Variants in MECOM observed in about 807,000 individuals in gnomAD.
MECOM encodes MDS1 and EVI1 complex locus, also known as histone-lysine N-methyltransferase MECOM.
MECOM carries 13 observed loss-of-function variants against 116.3 expected under a neutral mutation model. The ratio of observed to expected loss-of-function variants is 0.11; its 90% CI spans 0.07 to 0.18. The LOEUF (loss-of-function observed/expected upper bound fraction) is 0.18, where lower values mean the gene tolerates loss of function less well. Among genes scored for constraint, MECOM ranks in the 10% least tolerant of loss-of-function variants. MECOM has a pLI of 1.00. For synonymous variants in MECOM, 528 were observed against 535.2 expected (o/e 0.99, Z 0.19); for missense variants, 1,299 against 1,509.0 (o/e 0.86, Z 2.31).
rs539909540 is a variant in MECOM, at chr3:169,417,875, C to T, written c.38-36351G>A. On this transcript the variant is annotated intron_variant, in intron 1 of 16. Transcript: ENST00000651503. Reference sequence around the variant, plus strand: ...CGCAAGAACAAAAAACCAAACACCACGTATTCTCACTTATAGGTGGGAATC... The same window carrying T: ...CGCAAGAACAAAAAACCAAACACCATGTATTCTCACTTATAGGTGGGAATC... Among the ~76,000 whole-genome samples the T allele has an allele frequency of 5.9e-5, 9 of 151,880 alleles. No individual in the cohort carries two copies. The East Asian group carries it at 1.8e-3, about 30-fold the overall frequency.
intron 2 of MECOM, among the ~76,000 whole-genome samples, chr3:169,359,413 A>G (rs1318589442): frequency 5.9e-5 from 9 of 151,774 alleles, no homozygotes; most frequent in Non-Finnish European, 1.3e-4. Context: ...GTAAGGAATC[A>G]AACTTCAAAT....
rs115621460 is a variant in MECOM at position 169,583,107 on chromosome 3, G to A, written c.37+80229C>T. 3.9e-3 allele frequency among the ~76,000 whole-genome samples: 597 copies of A among 152,272 alleles called. 6 individuals carry two copies. Among genetic ancestry groups the A allele is most frequent in the African/African-American group, 0.014 (567 of 41,566 alleles). ...CTTGGGAAATTGTCTTAATCTCACT[G>A]AGCCTCAGTTTCTTCAATCACAAAA... is the stretch of plus-strand genomic sequence containing the variant. On this transcript the variant is annotated intron_variant, in intron 1 of 16. Transcript: ENST00000651503.
intron 2 of MECOM, among the ~76,000 whole-genome samples, chr3:169,211,174 C>G (rs1577355572): frequency 1.3e-5 from 2 of 152,244 alleles, no homozygotes; most frequent in East Asian, 1.9e-4. Flanking sequence ...AACTTCTAAA[C>G]TATTTCCCAA....
At chr3:169,185,409 C>T (rs1271931496) in intron 2 of MECOM, among the ~76,000 whole-genome samples, 2 of 152,096 alleles carry the variant, frequency 1.3e-5, no homozygotes, top group Non-Finnish European at 2.9e-5. Context: ...GGATGAAGGG[C>T]TGAAAAACTG....
At chr3:169,138,608 A>AAAAGC (rs1422530450) in intron 3 of MECOM, among the ~76,000 whole-genome samples, 4 of 152,166 alleles carry the variant, frequency 2.6e-5, no homozygotes, top group African/African-American at 9.7e-5. Context: ...AACTTGACTT[A>AAAAGC]AAAGCAAAGC....
chr3:169,561,632 G>A (rs1277065415), intron 1 of MECOM, among the ~76,000 whole-genome samples: 3 of 152,132 alleles, frequency 2.0e-5, no homozygotes, highest in Admixed American at 6.6e-5. Flanking sequence ...CTTTGGAAAG[G>A]AAGAAAAACA....
chr3:169,237,300 A>G (rs1026156750), intron 2 of MECOM, among the ~76,000 whole-genome samples: 1 of 152,198 alleles, frequency 6.6e-6, no homozygotes, highest in Non-Finnish European at 1.5e-5. Flanking sequence ...AACATCTTCA[A>G]TGTAATACTG....
intron 2 of MECOM, among the ~76,000 whole-genome samples, chr3:169,169,032 T>C (rs1455243822): frequency 6.6e-6 from 1 of 152,096 alleles, no homozygotes; most frequent in Non-Finnish European, 1.5e-5. Flanking sequence ...AATAAAATTA[T>C]ATTTGCTCAG....
At chr3:169,542,513 G>T (rs1328701141) in intron 1 of MECOM, among the ~76,000 whole-genome samples, 16 of 152,142 alleles carry the variant, frequency 1.1e-4, no homozygotes, top group Admixed American at 1.0e-3. Flanking sequence ...TCTGCAAGTG[G>T]ATAAGAAGAG....
At position 169,128,245 on chromosome 3, in the gene MECOM, T is replaced by A. The variant is rs16853214; in HGVS notation, c.614-185A>T. Among the ~76,000 whole-genome samples, 9,572 of 152,262 alleles carry A rather than the reference T, an allele frequency of 0.063. 443 individuals carry two copies. Among genetic ancestry groups the A allele is most frequent in the South Asian group, 0.2 (982 of 4,826 alleles). ...AAGGACAGAGACTGGAACAATAACA[T>A]AAGCAATGGCTGTGACTAGAGTATA... On this transcript the variant is annotated intron_variant, in intron 4 of 16. Coordinates refer to ENST00000651503, the MANE Select transcript of MECOM (RefSeq NM_004991.4).
chr3:169,274,004 C>T (rs550841211), intron 2 of MECOM, among the ~76,000 whole-genome samples: 19 of 151,456 alleles, frequency 1.3e-4, no homozygotes, highest in South Asian at 4.2e-4. Flanking sequence ...CTCTGCCTCC[C>T]GGGTTCAAGT....
intron 12 of MECOM, among the ~76,000 whole-genome samples, chr3:169,095,826 GTTAA>G (rs1159644607): frequency 6.6e-6 from 1 of 151,770 alleles, no homozygotes; most frequent in Non-Finnish European, 1.5e-5. Context: ...CCTTTTCTCT[GTTAA>G]TCTTTAAACT....
At chr3:169,438,117 A>G (rs1742987475) in intron 1 of MECOM, among the ~76,000 whole-genome samples, 1 of 152,226 alleles carries the variant, frequency 6.6e-6, no homozygotes, top group Non-Finnish European at 1.5e-5. Context: ...AATGATTTTT[A>G]AACAGCCATA....
intron 1 of MECOM, among the ~76,000 whole-genome samples, chr3:169,616,547 C>T (rs754626156): frequency 7.9e-5 from 12 of 152,086 alleles, no homozygotes; most frequent in East Asian, 1.9e-4. Flanking sequence ...GCCATGTTGG[C>T]GAGGCTAGTT....
chr3:169,302,140 A>G (rs1244617753), intron 2 of MECOM, among the ~76,000 whole-genome samples: 1 of 152,244 alleles, frequency 6.6e-6, no homozygotes, highest in Non-Finnish European at 1.5e-5. Context: ...ACACTCCAGC[A>G]ATAGCTGAAC....
intron 2 of MECOM, among the ~76,000 whole-genome samples, chr3:169,205,257 C>T (rs938117699): frequency 6.6e-6 from 1 of 152,196 alleles, no homozygotes; most frequent in African/African-American, 2.4e-5. Flanking sequence ...AGACTCTTAA[C>T]TATCGAGTTT....
chr3:169,302,863 C>CA (rs776985063), intron 2 of MECOM, among the ~76,000 whole-genome samples: 93 of 131,812 alleles, frequency 7.1e-4, no homozygotes, highest in South Asian at 1.4e-3. Flanking sequence ...GACTCTGTCT[C>CA]AAAAAAAAAA....
intron 1 of MECOM, among the ~76,000 whole-genome samples, chr3:169,569,331 C>T (rs140306738): frequency 3.3e-5 from 5 of 152,236 alleles, no homozygotes; most frequent in African/African-American, 1.2e-4. Flanking sequence ...GATTCATAAA[C>T]CAAGCTCTTA....
At chr3:169,412,077 G>C (rs1457048037) in intron 1 of MECOM, among the ~76,000 whole-genome samples, 2 of 151,962 alleles carry the variant, frequency 1.3e-5, no homozygotes, top group Non-Finnish European at 2.9e-5. Context: ...CCTGAGATCA[G>C]GGGTTCAAGA....
Sources: gnomAD v4.1 joint callset for allele counts (sites outside exome capture counted in the v4.1 genomes callset) on GRCh38, gnomAD v4.1.1 for gene constraint, MANE v1.5 for transcripts, NCBI Gene and HGNC (gene_info 2026-07-23, HGNC 2026-07-21) for gene names.